Variants in TSNARE1 observed in about 807,000 individuals in gnomAD.
The protein encoded by TSNARE1 is t-SNARE domain containing 1, also known as t-SNARE domain-containing protein 1.
Under a neutral mutation model 62.0 loss-of-function variants are expected in TSNARE1, and 49 were observed. That is an observed-to-expected ratio of 0.79 (90% CI 0.63 to 1.00). The LOEUF is 1.00. Ranked by LOEUF, TSNARE1 falls within the 50% of genes least tolerant of loss-of-function variation. The pLI is 0.00. For missense variants in TSNARE1, 755 were observed against 700.1 expected, an observed-to-expected ratio of 1.08 and a Z score of -0.88; for synonymous variants, 328 against 294.4, an observed-to-expected ratio of 1.11 and a Z score of -1.17.
Position 142,249,323 on chromosome 8 carries a change from G to A in TSNARE1, c.1447-19744C>T, listed in dbSNP as rs555300276. Among the ~76,000 whole-genome samples the A allele has an allele frequency of 1.2e-3, 178 of 152,326 alleles. 3 individuals are homozygous for A. Among genetic ancestry groups the A allele is most frequent in the Admixed American group, 8.0e-3 (122 of 15,306 alleles). On this transcript the variant is annotated intron_variant, in intron 12 of 13. Coordinates refer to ENST00000524325, the MANE Select transcript of TSNARE1 (RefSeq NM_145003.5). ...CTGTGGGCAGAGGGTGGGCTGGGCA[G>A]CCGGCAAGGAACAGGAAGGGCCACC...
At chr8:142,327,996 C>T (rs1830497139) in intron 6 of TSNARE1, among the ~76,000 whole-genome samples, 1 of 152,168 alleles carries the variant, frequency 6.6e-6, no homozygotes, top group African/African-American at 2.4e-5. Flanking sequence ...GAGAGGGAGG[C>T]ATCGCTGCAT....
At chr8:142,335,616 G>T (rs1339292710) in intron 4 of TSNARE1, among the ~76,000 whole-genome samples, 2 of 151,506 alleles carry the variant, frequency 1.3e-5, no homozygotes, top group Non-Finnish European at 2.9e-5. Context: ...AAGGAAGGAA[G>T]AGAAAGAAAA....
chr8:142,345,409 C>T (rs574744256), intron 3 of TSNARE1, among the ~76,000 whole-genome samples: 3 of 152,328 alleles, frequency 2.0e-5, no homozygotes, highest in Admixed American at 6.5e-5. Flanking sequence ...CACCCCTCAC[C>T]GGCCCACTGC....
intron 11 of TSNARE1, among the ~76,000 whole-genome samples, 162 bp downstream of exon 11, chr8:142,284,249 CAG>C (rs1339430725): frequency 6.6e-6 from 1 of 152,104 alleles, no homozygotes; most frequent in Non-Finnish European, 1.5e-5. Context: ...TGGAGGAAGA[CAG>C]GGCAGGAGGG....
chr8:142,306,654 C>T (rs1240898546), intron 9 of TSNARE1, among the ~76,000 whole-genome samples: 1 of 152,154 alleles, frequency 6.6e-6, no homozygotes, highest in Non-Finnish European at 1.5e-5. Flanking sequence ...TGAGTAGCAG[C>T]CCCCCAGTCC....
intron 1 of TSNARE1, chr8:142,365,936 G>A (rs942245389): frequency 2.2e-6 from 1 of 451,490 alleles, no homozygotes; most frequent in Admixed American, 2.4e-5. Context: ...GAACACTCAA[G>A]ACTGTGCAGC....
intron 7 of TSNARE1, among the ~76,000 whole-genome samples, chr8:142,315,359 C>A (rs1028417115): frequency 6.6e-6 from 1 of 152,246 alleles, no homozygotes; most frequent in African/African-American, 2.4e-5. Flanking sequence ...CGGCCCCACA[C>A]CACCTCCGCG....
intron 12 of TSNARE1, among the ~76,000 whole-genome samples, chr8:142,249,058 G>C (rs971564730): frequency 1.3e-5 from 2 of 152,244 alleles, no homozygotes; most frequent in Non-Finnish European, 2.9e-5. Flanking sequence ...TCCCCAACAG[G>C]AACTAAACTG....
intron 9 of TSNARE1, among the ~76,000 whole-genome samples, chr8:142,309,174 G>A (rs886643279): frequency 3.3e-5 from 5 of 152,106 alleles, no homozygotes; most frequent in Admixed American, 6.5e-5. Context: ...CTGACAGCAC[G>A]CTACAGGTGC....
intron 12 of TSNARE1, chr8:142,271,323 G>A (rs955860710): frequency 2.2e-5 from 25 of 1,140,754 alleles, no homozygotes; most frequent in East Asian, 8.5e-5. Context: ...TCGGCCAGCC[G>A]CTGCAGCAGC....
chr8:142,282,387 C>A (rs74944121), intron 11 of TSNARE1, among the ~76,000 whole-genome samples: 1 of 152,116 alleles, frequency 6.6e-6, no homozygotes, highest in Admixed American at 6.5e-5. Context: ...CAGGGACCAG[C>A]GTCTGTCAAT....
intron 7 of TSNARE1, among the ~76,000 whole-genome samples, chr8:142,318,145 G>A (rs146168932): frequency 7.2e-4 from 109 of 152,312 alleles, no homozygotes; most frequent in Admixed American, 6.1e-3. Context: ...GAGGGTGCAC[G>A]TGCAGGTGGC....
intron 12 of TSNARE1, among the ~76,000 whole-genome samples, chr8:142,249,881 C>T (rs1818074588): frequency 6.6e-6 from 1 of 152,232 alleles, no homozygotes; most frequent in South Asian, 2.1e-4. Flanking sequence ...CCCATGGTGG[C>T]CTCGCAGCTC....
rs113067361 is a variant in TSNARE1, at chr8:142,326,737, C to T, written c.893+4164G>A. Among the ~76,000 whole-genome samples, 813 of 152,206 alleles carry T rather than the reference C, an allele frequency of 5.3e-3. 12 individuals are homozygous for T. The highest frequency in any genetic ancestry group is 0.019 in the African/African-American group (774 of 41,438). Reference sequence around the variant, plus strand: ...GCCCTGGAGAGCATGGGCTGCACAGCAGGAGGAAACTTCTAGAAGGAATCA... The same window carrying T: ...GCCCTGGAGAGCATGGGCTGCACAGTAGGAGGAAACTTCTAGAAGGAATCA... On this transcript the variant is annotated intron_variant, in intron 6 of 13. Transcript: ENST00000524325.
chr8:142,260,976 G>GGAA (rs1818835516), intron 12 of TSNARE1, among the ~76,000 whole-genome samples: 1 of 83,998 alleles, frequency 1.2e-5, no homozygotes, highest in African/African-American at 4.4e-5. Flanking sequence ...CAGGGAGGGA[G>GGAA]GGAGGGAGGA....
intron 12 of TSNARE1, among the ~76,000 whole-genome samples, chr8:142,232,673 C>T (rs1817181654): frequency 6.6e-6 from 1 of 152,238 alleles, no homozygotes; most frequent in Non-Finnish European, 1.5e-5. Flanking sequence ...CCTTCCACAG[C>T]CTCCTCTCTA....
At chr8:142,328,868 C>A (rs560595773) in intron 6 of TSNARE1, among the ~76,000 whole-genome samples, 24 of 151,542 alleles carry the variant, frequency 1.6e-4, no homozygotes, top group African/African-American at 5.8e-4. Flanking sequence ...CCTGGCCACA[C>A]TGGCCTTGCA....
intron 12 of TSNARE1, chr8:142,269,790 C>A: frequency 1.0e-6 from 1 of 985,424 alleles, no homozygotes; most frequent in Non-Finnish European, 1.2e-6. Context: ...ACAGCAGCAC[C>A]ATGCGCACCC....
intron 10 of TSNARE1, among the ~76,000 whole-genome samples, chr8:142,286,517 G>A (rs894606992): frequency 6.6e-6 from 1 of 152,234 alleles, no homozygotes; most frequent in South Asian, 2.1e-4. Context: ...TAGCGAGAAG[G>A]TGGGGCCCAG....
Sources: allele counts gnomAD v4.1 joint callset (sites outside exome capture counted in the v4.1 genomes callset), GRCh38; gene constraint gnomAD v4.1.1; transcripts MANE v1.5; gene names NCBI Gene and HGNC (gene_info 2026-07-23, HGNC 2026-07-21).